Variants in GALNT17 observed in about 807,000 individuals in gnomAD.
GALNT17 encodes polypeptide N-acetylgalactosaminyltransferase 17.
A neutral mutation model predicts 63.7 loss-of-function variants in GALNT17; 29 were observed. That is an observed-to-expected ratio of 0.46 (90% confidence interval 0.34 to 0.62). The LOEUF is 0.62. Among genes scored for constraint, GALNT17 ranks in the 20% least tolerant of loss-of-function variants. GALNT17 has a pLI of 0.01. For synonymous variants in GALNT17, 305 were observed against 318.3 expected, an observed-to-expected ratio of 0.96 and a Z score of 0.45; for missense variants, 603 against 799.6, an observed-to-expected ratio of 0.75 and a Z score of 2.97.
intron 5 of GALNT17, among the ~76,000 whole-genome samples, chr7:71,534,102 G>A (rs974938541): frequency 2.6e-5 from 4 of 152,086 alleles, no homozygotes; most frequent in Non-Finnish European, 5.9e-5. Flanking sequence ...TAAGGTGTTC[G>A]TCTGTTCTCA....
chr7:71,693,407 C>G (rs905310219), intron 9 of GALNT17, among the ~76,000 whole-genome samples: 1 of 150,844 alleles, frequency 6.6e-6, no homozygotes, highest in African/African-American at 2.4e-5. Context: ...ATTTGCATGT[C>G]CCTTCAATGA....
At chr7:71,654,397 G>A (rs191593746) in intron 6 of GALNT17, among the ~76,000 whole-genome samples, 76 of 152,280 alleles carry the variant, frequency 5.0e-4, no homozygotes, top group African/African-American at 1.8e-3. Context: ...AACTGAGGAC[G>A]GCAGATAATC....
chr7:71,525,434 C>T (rs1228655801), intron 5 of GALNT17, among the ~76,000 whole-genome samples: 1 of 152,064 alleles, frequency 6.6e-6, no homozygotes, highest in Non-Finnish European at 1.5e-5. Flanking sequence ...TCTCCATCTC[C>T]CAACCTCATG....
chr7:71,445,183 T>C (rs552619706), intron 5 of GALNT17, among the ~76,000 whole-genome samples: 14 of 145,714 alleles, frequency 9.6e-5, no homozygotes, highest in East Asian at 7.9e-4. Context: ...TTCTTTCTTT[T>C]TTTTTTTTTT....
chr7:71,265,118 A>ATATTTTTTTTTT (rs1390488895), intron 1 of GALNT17, among the ~76,000 whole-genome samples: 6 of 37,460 alleles, frequency 1.6e-4, no homozygotes, highest in Non-Finnish European at 3.4e-4. Flanking sequence ...ATATATATAT[A>ATATTTTTTTTTT]TTTTTTTTTT....
chr7:71,402,833 C>A (rs1024975489), intron 3 of GALNT17, among the ~76,000 whole-genome samples: 2 of 152,144 alleles, frequency 1.3e-5, no homozygotes, highest in African/African-American at 2.4e-5. Context: ...TAACATTCTT[C>A]CTGTGTCGCT....
intron 6 of GALNT17, among the ~76,000 whole-genome samples, chr7:71,595,698 CA>C (rs1253097224): frequency 2.7e-5 from 4 of 150,182 alleles, no homozygotes; most frequent in South Asian, 2.1e-4. Context: ...CACACACACA[CA>C]CACACCATAT....
chr7:71,298,076 A>G (rs915737878), intron 1 of GALNT17, among the ~76,000 whole-genome samples: 4 of 152,188 alleles, frequency 2.6e-5, no homozygotes, highest in South Asian at 4.1e-4. Context: ...GCTGGGGTGC[A>G]GAGGCACAAT....
intron 1 of GALNT17, among the ~76,000 whole-genome samples, chr7:71,179,688 A>G (rs1788702037): frequency 6.6e-6 from 1 of 152,184 alleles, no homozygotes; most frequent in Non-Finnish European, 1.5e-5. Flanking sequence ...CCTGCCTACC[A>G]GGGTTCCACC....
chr7:71,678,686 T>C (rs1468064067), intron 9 of GALNT17, among the ~76,000 whole-genome samples: 2 of 151,682 alleles, frequency 1.3e-5, no homozygotes, highest in Admixed American at 1.3e-4. Context: ...TCCCAGCTAC[T>C]CGGGAGGCTG....
At chr7:71,544,109 C>A (rs7793624) in intron 5 of GALNT17, among the ~76,000 whole-genome samples, 5,102 of 139,172 alleles carry the variant, frequency 0.037, 91 homozygotes, top group Middle Eastern at 0.098. Context: ...CTCTTTGAGG[C>A]TTGATTTCTT....
chr7:71,329,975 A>ATG (rs1791778550), intron 1 of GALNT17, among the ~76,000 whole-genome samples: 1 of 139,584 alleles, frequency 7.2e-6, no homozygotes, highest in Non-Finnish European at 1.5e-5. Context: ...ATATACGTAT[A>ATG]TGTGTGTGTG....
intron 5 of GALNT17, among the ~76,000 whole-genome samples, chr7:71,552,600 C>T (rs1789099547): frequency 6.6e-6 from 1 of 151,706 alleles, no homozygotes; most frequent in Non-Finnish European, 1.5e-5. Context: ...GCCACCACAC[C>T]CGGTTAATTT....
intron 1 of GALNT17, among the ~76,000 whole-genome samples, chr7:71,171,719 G>T (rs1393733302): frequency 6.6e-6 from 1 of 152,188 alleles, no homozygotes; most frequent in African/African-American, 2.4e-5. Flanking sequence ...ACACGATGAG[G>T]TTGAATGTGG....
At chr7:71,205,175 G>C (rs1419749106) in intron 1 of GALNT17, among the ~76,000 whole-genome samples, 2 of 99,668 alleles carry the variant, frequency 2.0e-5, no homozygotes, top group Non-Finnish European at 1.9e-5. Context: ...TTTTTTTTGA[G>C]ACAGAGTCTC....
At chr7:71,298,221 T>A (rs1791118885) in intron 1 of GALNT17, among the ~76,000 whole-genome samples, 1 of 151,820 alleles carries the variant, frequency 6.6e-6, no homozygotes, top group South Asian at 2.1e-4. Context: ...GGGTTCATCA[T>A]GTTGGCCAAG....
At chr7:71,593,678 A>G (rs1014104478) in intron 6 of GALNT17, among the ~76,000 whole-genome samples, 2 of 152,206 alleles carry the variant, frequency 1.3e-5, no homozygotes, top group Non-Finnish European at 2.9e-5. Context: ...CCTTACAGGA[A>G]ACAAAGTGGT....
chr7:71,180,992 C>T (rs368585702), intron 1 of GALNT17, among the ~76,000 whole-genome samples: 1 of 152,192 alleles, frequency 6.6e-6, no homozygotes, highest in African/African-American at 2.4e-5. Flanking sequence ...CGGTGGCTCA[C>T]TCCTGTAATC....
intron 5 of GALNT17, among the ~76,000 whole-genome samples, chr7:71,488,761 T>A (rs1245389666): frequency 6.6e-6 from 1 of 150,502 alleles, no homozygotes; most frequent in Admixed American, 6.7e-5. Flanking sequence ...TTTGTATTTT[T>A]AGTAGAGACG....
Sources: allele counts gnomAD v4.1 joint callset (sites outside exome capture counted in the v4.1 genomes callset), GRCh38; gene constraint gnomAD v4.1.1; transcripts MANE v1.5; gene names NCBI Gene and HGNC (gene_info 2026-07-23, HGNC 2026-07-21).